The following MTF1 variants were observed in gnomAD, a reference collection of about 807,000 sequenced individuals.
MTF1 encodes the protein MRE-binding transcription factor.
A neutral mutation model predicts 70.4 loss-of-function variants in MTF1; 22 were observed. The observed-to-expected ratio is 0.31, with a 90% CI of 0.22 to 0.45. The LOEUF (loss-of-function observed/expected upper bound fraction) is 0.45. Among genes scored for constraint, MTF1 ranks in the 20% least tolerant of loss-of-function variants. MTF1 has a pLI of 1.00. For synonymous variants in MTF1, 333 were observed against 352.8 expected (o/e 0.94, Z 0.63); for missense variants, 649 against 922.0 (o/e 0.70, Z 3.83).
At chr1:37,827,135 T>C (rs1453458302) in intron 7 of MTF1, among the ~76,000 whole-genome samples, 1 of 152,168 alleles carries the variant, frequency 6.6e-6, no homozygotes, top group African/African-American at 2.4e-5. Flanking sequence ...TATCCATATG[T>C]GTAACTGAAA....
chr1:37,856,780 G>A (rs1412249007), intron 2 of MTF1, among the ~76,000 whole-genome samples: 3 of 152,068 alleles, frequency 2.0e-5, no homozygotes, highest in East Asian at 1.9e-4. Context: ...GATTACAGGC[G>A]TGTGCCACTG....
intron 7 of MTF1, chr1:37,828,057 A>G (rs1641030698): frequency 3.2e-6 from 1 of 314,784 alleles, no homozygotes; most frequent in Non-Finnish European, 6.2e-6. Context: ...ATTGTTCAAC[A>G]AGAAGAATGA....
In MTF1 at chr1:37,822,390, A is replaced by C. The variant is rs754351193; in HGVS notation, c.1498T>G (p.Ser500Ala). Reference protein sequence around the residue: ...QAPQPIVPGLSVVAGASASAA... With the variant: ...QAPQPIVPGLAVVAGASASAA... Reference sequence around the variant, plus strand: ...GATGCAGAAGCCCCAGCAACAACAGAAAGTCCTGGTACAATGGGCTGCGGT... The same window carrying C: ...GATGCAGAAGCCCCAGCAACAACAGCAAGTCCTGGTACAATGGGCTGCGGT... The change falls in exon 9 of 11, where the codon TCT becomes GCT. Residue 500 changes from serine to alanine, a missense_variant. Transcript: ENST00000373036. 6.2e-7 allele frequency: 1 copy of C among 1,613,966 alleles called. No homozygotes were observed. Among genetic ancestry groups the C allele is most frequent in the East Asian group, 2.2e-5 (1 of 44,896 alleles).
intron 7 of MTF1, among the ~76,000 whole-genome samples, chr1:37,830,936 C>G (rs1395641191): frequency 1.3e-5 from 2 of 152,204 alleles, no homozygotes; most frequent in Admixed American, 6.5e-5. Context: ...CTTCACTTTC[C>G]AGGTGCTGTG....
chr1:37,820,824 T>C (rs1640898434), intron 9 of MTF1, among the ~76,000 whole-genome samples: 1 of 152,180 alleles, frequency 6.6e-6, no homozygotes, highest in East Asian at 1.9e-4. Context: ...TGTACCACAC[T>C]GTTGCAAGAT....
chr1:37,818,265 G>A (rs1400442683), intron 9 of MTF1, among the ~76,000 whole-genome samples: 1 of 152,210 alleles, frequency 6.6e-6, no homozygotes, highest in Non-Finnish European at 1.5e-5. Flanking sequence ...TATCATGGGA[G>A]TGGGACTGGT....
intron 3 of MTF1, among the ~76,000 whole-genome samples, 156 bp from the exon 4 acceptor site, chr1:37,838,912 C>T (rs1388894392): frequency 6.8e-6 from 1 of 148,106 alleles, no homozygotes; most frequent in Non-Finnish European, 1.5e-5. Flanking sequence ...TCAAGCGATT[C>T]TCCTGCCTCA....
Position 37,840,221 on chromosome 1 carries a change from C to T in MTF1, c.409-63G>A. The T allele has an allele frequency of 2.1e-6, 3 of 1,445,222 alleles. No homozygotes were observed. Among genetic ancestry groups the T allele is most frequent in the South Asian group, 2.3e-5 (2 of 85,722 alleles). 89.5% of individuals were successfully genotyped at this position (1,445,222 alleles called of 1,614,324 possible). A position where few individuals can be genotyped will look rare whatever the true frequency, so the allele number is the denominator to read the frequency against. On this transcript the variant is annotated intron_variant, in intron 2 of 10. Coordinates refer to ENST00000373036, the MANE Select transcript of MTF1 (RefSeq NM_005955.3). This position sits in a 1 kb window ranked among gnomAD's most constrained non-coding sequence, Gnocchi z 4.5. ...TGCTGCCCAGGGCTTAACTCCCCCA[C>T]CCAGAGCTCAGCTCCCAAGAGATGC...
intron 2 of MTF1, among the ~76,000 whole-genome samples, chr1:37,853,785 T>C (rs964407011): frequency 6.6e-6 from 1 of 152,232 alleles, no homozygotes; most frequent in Non-Finnish European, 1.5e-5. Flanking sequence ...AGTGCAATAT[T>C]TGTACCTCTC....
rs1640765840 is a variant in MTF1 at position 37,813,431 on chromosome 1, G to A, written c.*1705C>T. ...TCTGTCCCTGAACATCCTTGCTAAA[G>A]GCAGGGAGGGCCTCTGGCTCCAAGG... On this transcript the variant is annotated 3_prime_UTR_variant, in exon 11 of 11. Coordinates refer to ENST00000373036, the MANE Select transcript of MTF1 (RefSeq NM_005955.3). 1 of 152,256 alleles carries A rather than the reference G, an allele frequency of 6.6e-6. No homozygotes were observed. 9.4% of individuals were successfully genotyped at this position (152,256 alleles called of 1,614,324 possible). A position where few individuals can be genotyped will look rare whatever the true frequency, so the allele number is the denominator to read the frequency against.
Position 37,813,057 on chromosome 1 carries a change from G to A in MTF1, c.*2079C>T, listed in dbSNP as rs1329462105. The A allele has an allele frequency of 6.6e-6, 1 of 152,246 alleles. No homozygotes were observed. The highest frequency in any genetic ancestry group is 1.5e-5 in the Non-Finnish European group (1 of 68,152). 9.4% of individuals were successfully genotyped at this position (152,246 alleles called of 1,614,324 possible). On this transcript the variant is annotated 3_prime_UTR_variant, in exon 11 of 11. Transcript: ENST00000373036. ...GCACTTTGGGAGACTGAGGCGGGAG[G>A]ATCACCTGACGTTGGGAGTTCGAGA... is the stretch of plus-strand genomic sequence containing the variant.
intron 9 of MTF1, among the ~76,000 whole-genome samples, chr1:37,821,607 T>C (rs1404004356): frequency 6.6e-6 from 1 of 152,192 alleles, no homozygotes; most frequent in Non-Finnish European, 1.5e-5. Context: ...TTCTTCACGA[T>C]GAAGCATTAA....
In MTF1 at chr1:37,815,391, G is replaced by A; in HGVS notation, c.2007C>T (p.Pro669=). The change falls in exon 11 of 11, where the codon CCC becomes CCT. Residue 669 remains proline, a synonymous_variant. Transcript: ENST00000373036. This position sits in a 1 kb window ranked among gnomAD's most constrained non-coding sequence, Gnocchi z 4.5. ...PEPSPQAPDG[P]SLQLPAQTFS... is the part of the protein sequence containing the mutation. ...AAGTCTGCGCTGGGAGCTGCAGGCT[G>A]GGCCCATCAGGAGCCTGGGGGCTCG... 1 of 1,614,138 alleles carries A rather than the reference G, an allele frequency of 6.2e-7. No individual in the cohort carries two copies. The highest frequency in any genetic ancestry group is 8.5e-7 in the Non-Finnish European group (1 of 1,180,008).
chr1:37,844,942 T>C (rs559941899), intron 2 of MTF1, among the ~76,000 whole-genome samples: 1 of 152,352 alleles, frequency 6.6e-6, no homozygotes, highest in East Asian at 1.9e-4. Flanking sequence ...AATTACCTGA[T>C]TAAACCATTT....
At chr1:37,818,501 G>A (rs752877580) in intron 9 of MTF1, among the ~76,000 whole-genome samples, 1 of 151,474 alleles carries the variant, frequency 6.6e-6, no homozygotes, top group South Asian at 2.1e-4. Context: ...TCAGGAGATC[G>A]AGACCATCCT....
At chr1:37,820,482 C>G (rs1056000875) in intron 9 of MTF1, among the ~76,000 whole-genome samples, 3 of 152,210 alleles carry the variant, frequency 2.0e-5, no homozygotes, top group Admixed American at 1.3e-4. Flanking sequence ...CTCTCTGGAC[C>G]TCTGCTCTCC....
chr1:37,854,060 T>C (rs1374274747), intron 2 of MTF1, among the ~76,000 whole-genome samples: 2 of 152,204 alleles, frequency 1.3e-5, no homozygotes, highest in African/African-American at 4.8e-5. Flanking sequence ...CAGGCTGGAG[T>C]GCAGTGGCAC....
chr1:37,853,019 G>C (rs1641439343), intron 2 of MTF1, among the ~76,000 whole-genome samples: 1 of 152,148 alleles, frequency 6.6e-6, no homozygotes, highest in Non-Finnish European at 1.5e-5. Flanking sequence ...TTCTACAAAA[G>C]TCCTTGATTC....
At chr1:37,841,374 T>TG (rs1641253111) in intron 2 of MTF1, 1 of 153,644 alleles carries the variant, frequency 6.5e-6, no homozygotes, top group Non-Finnish European at 1.5e-5. Context: ...TCTGTGCTGG[T>TG]GTGCCTTATC....
Sources: allele counts gnomAD v4.1 joint callset (sites outside exome capture counted in the v4.1 genomes callset), GRCh38; gene constraint gnomAD v4.1.1; non-coding constraint Gnocchi (gnomAD v3.1); transcripts MANE v1.5; gene names NCBI Gene and HGNC (gene_info 2026-07-23, HGNC 2026-07-21).